COL6A6: variants seen among roughly 807,000 people sequenced by gnomAD.
The protein encoded by COL6A6 is collagen alpha-6(VI) chain.
In COL6A6, 183 loss-of-function variants were observed where a neutral mutation model predicts 208.6. The observed-to-expected ratio is 0.88, with a 90% confidence interval of 0.78 to 0.99. The LOEUF is 0.99. Among genes scored for constraint, COL6A6 ranks in the 50% least tolerant of loss-of-function variants. The pLI, the probability that COL6A6 is intolerant of heterozygous loss-of-function variation, is 0.00. For missense variants in COL6A6, 2,816 were observed against 2,815.2 expected (o/e 1.00, Z -0.01); for synonymous variants, 973 against 1,011.8 (o/e 0.96, Z 0.73).
At chr3:130,520,844 C>T (rs188808068) in intron 1 of COL6A6, among the ~76,000 whole-genome samples, 182 of 152,224 alleles carry the variant, frequency 1.2e-3, no homozygotes, top group African/African-American at 4.3e-3. Flanking sequence ...TCTTTATGAG[C>T]TATTTTGATT....
chr3:130,673,453 A>T (rs1226832465), intron 36 of COL6A6, among the ~76,000 whole-genome samples: 1 of 143,614 alleles, frequency 7.0e-6, no homozygotes, highest in Admixed American at 6.9e-5. Context: ...AAAGGACCTA[A>T]CGGAAAAGGC....
Position 130,568,148 on chromosome 3 carries a change from G to T in COL6A6, c.1945G>T (p.Val649Leu). Reference sequence around the variant, plus strand: ...AATGAAAACATTTATGAAAAACCTGGTGAGCAAGTCTCAGATTGGACCAGA... The same window carrying T: ...AATGAAAACATTTATGAAAAACCTGTTGAGCAAGTCTCAGATTGGACCAGA... ...SKMKTFMKNL[V>L]SKSQIGPDRV... Residue 649 changes from valine to leucine, a missense_variant, in exon 6 of 37, where the codon GTG becomes TTG. Transcript: ENST00000358511. The T allele has an allele frequency of 6.2e-7, 1 of 1,614,020 alleles. No individual in the cohort carries two copies. The highest frequency in any genetic ancestry group is 8.5e-7 in the Non-Finnish European group (1 of 1,179,892).
intron 1 of COL6A6, among the ~76,000 whole-genome samples, chr3:130,528,775 G>A (rs1303984999): frequency 6.6e-6 from 1 of 152,184 alleles, no homozygotes; most frequent in Non-Finnish European, 1.5e-5. Context: ...GGATGGGACT[G>A]AGGCACTGAT....
intron 5 of COL6A6, 36 bp from the exon 6 acceptor site, chr3:130,568,011 C>T: frequency 6.5e-7 from 1 of 1,528,782 alleles, no homozygotes; most frequent in South Asian, 1.3e-5. Flanking sequence ...TTACATGTAG[C>T]TGACTTGAAT....
At chr3:130,627,269 T>C in intron 25 of COL6A6, 50 bp from the exon 26 acceptor site, 1 of 1,544,244 alleles carries the variant, frequency 6.5e-7, no homozygotes, top group Non-Finnish European at 9.0e-7. Context: ...AGAATAAGCC[T>C]GTCTCTATCT....
chr3:130,672,959 C>T lies in COL6A6; in HGVS notation c.6597-2243C>T, dbSNP rs116174720. Among the ~76,000 whole-genome samples the T allele has an allele frequency of 2.6e-3, 384 of 148,448 alleles. 2 individuals carry two copies. Among genetic ancestry groups the T allele is most frequent in the African/African-American group, 8.6e-3 (348 of 40,344 alleles). On this transcript the variant is annotated intron_variant, in intron 36 of 36. Coordinates refer to ENST00000358511, the MANE Select transcript of COL6A6 (RefSeq NM_001102608.3). ...CGGGGGGGCAAAGGTTGCAGTAAGCCGGGATCATGCCACTGCACCTCCAGC... is the reference window on the plus strand; with the variant it reads ...CGGGGGGGCAAAGGTTGCAGTAAGCTGGGATCATGCCACTGCACCTCCAGC...
chr3:130,599,816 A>G lies in COL6A6; in HGVS notation c.4653+6A>G. ...CAGGCTCCAGAAGAAAGACAGTAAG[A>G]GCCCTTCTAGACAAGGAGACCCACT... On this transcript the variant is annotated splice_donor_region_variant and intron_variant, in intron 20 of 36. Transcript: ENST00000358511. The G allele has an allele frequency of 1.2e-6, 2 of 1,613,560 alleles. No individual in the cohort carries two copies. The highest frequency in any genetic ancestry group is 1.7e-6 in the Non-Finnish European group (2 of 1,179,632).
At chr3:130,666,234 A>C (rs1301322688) in intron 36 of COL6A6, among the ~76,000 whole-genome samples, 2 of 152,188 alleles carry the variant, frequency 1.3e-5, no homozygotes, top group Non-Finnish European at 2.9e-5. Flanking sequence ...GCTAATATAA[A>C]TGATATTTGG....
rs542423083 is a variant in COL6A6 at position 130,521,076 on chromosome 3, C to A, written c.-32+3679C>A. On this transcript the variant is annotated intron_variant, in intron 1 of 36. Coordinates refer to ENST00000358511, the MANE Select transcript of COL6A6 (RefSeq NM_001102608.3). ...AAGGCACAAATAAATATACATGTAA[C>A]CATTTTAAAACCATTTACAGTTAAG... 6.6e-5 allele frequency among the ~76,000 whole-genome samples: 10 copies of A among 152,226 alleles called. No homozygotes were observed. The South Asian group carries it at 2.1e-3, about 32-fold the overall frequency.
intron 23 of COL6A6, among the ~76,000 whole-genome samples, chr3:130,616,146 C>G (rs61274705): frequency 7.8e-4 from 118 of 152,186 alleles, no homozygotes; most frequent in African/African-American, 2.6e-3. Flanking sequence ...AAGAAAGCCA[C>G]AGAGATGAAC....
intron 1 of COL6A6, among the ~76,000 whole-genome samples, chr3:130,536,097 G>C (rs2062217724): frequency 6.6e-6 from 1 of 152,200 alleles, no homozygotes; most frequent in Admixed American, 6.5e-5. Context: ...TATAGAAGGG[G>C]ATGCTCTTGT....
At chr3:130,653,918 C>G (rs1442367801) in intron 33 of COL6A6, among the ~76,000 whole-genome samples, 1 of 152,148 alleles carries the variant, frequency 6.6e-6, no homozygotes, top group African/African-American at 2.4e-5. Flanking sequence ...TGATGTTGCT[C>G]TAAGTTGACA....
intron 13 of COL6A6, 25 bp from the exon 14 acceptor site, chr3:130,592,516 C>T (rs762378887): frequency 1.9e-6 from 3 of 1,548,568 alleles, no homozygotes; most frequent in Admixed American, 1.9e-5. Context: ...AGAAAAAGCT[C>T]ATTTGGATAT....
chr3:130,641,788 AT>A (rs776660183), intron 29 of COL6A6, 74 bp downstream of exon 29: 56 of 856,112 alleles, frequency 6.5e-5, no homozygotes, highest in Non-Finnish European at 9.2e-5. Context: ...TGAAATCTTC[AT>A]TGTCCAAATG....
At chr3:130,532,095 C>G (rs1043272187) in intron 1 of COL6A6, among the ~76,000 whole-genome samples, 1 of 152,100 alleles carries the variant, frequency 6.6e-6, no homozygotes, top group Non-Finnish European at 1.5e-5. Flanking sequence ...GAAATAGGAT[C>G]TTTTCTGTGT....
At chr3:130,606,831 T>C (rs1394127113) in intron 20 of COL6A6, 100 bp from the exon 21 acceptor site, 1 of 819,682 alleles carries the variant, frequency 1.2e-6, no homozygotes, top group South Asian at 1.9e-5. Context: ...GTGGGAATTG[T>C]TATGTATGTT....
At chr3:130,648,166 T>TA (rs1293099739) in intron 32 of COL6A6, among the ~76,000 whole-genome samples, 1 of 152,254 alleles carries the variant, frequency 6.6e-6, no homozygotes, top group African/African-American at 2.4e-5. Context: ...AATTAACACT[T>TA]ACAGTAGAGT....
chr3:130,635,099 G>T (rs888379101), intron 27 of COL6A6, among the ~76,000 whole-genome samples: 36 of 152,250 alleles, frequency 2.4e-4, no homozygotes, highest in Admixed American at 2.1e-3. Context: ...GCTAGGCGTG[G>T]TGGTGCATGC....
chr3:130,619,465 G>A (rs540401169), intron 23 of COL6A6, among the ~76,000 whole-genome samples: 2 of 152,322 alleles, frequency 1.3e-5, no homozygotes, highest in East Asian at 3.9e-4. Flanking sequence ...CAGAAAATGA[G>A]GCTGCAGAGG....
Sources: gnomAD v4.1 joint callset for allele counts (sites outside exome capture counted in the v4.1 genomes callset) on GRCh38, gnomAD v4.1.1 for gene constraint, MANE v1.5 for transcripts, NCBI Gene and HGNC (gene_info 2026-07-23, HGNC 2026-07-21) for gene names.